MMRN1: variants seen among roughly 807,000 people sequenced by gnomAD.
MMRN1 encodes multimerin-1.
MMRN1 carries 94 observed loss-of-function variants against 100.7 expected under a neutral mutation model. The observed-to-expected ratio is 0.93, with a 90% CI of 0.79 to 1.11. MMRN1 has a LOEUF of 1.11. Ranked by LOEUF, MMRN1 falls within the 50% of genes least tolerant of loss-of-function variation. The pLI is 0.00. For synonymous variants in MMRN1, 575 were observed against 505.0 expected (o/e 1.14, Z -1.86); for missense variants, 1,606 against 1,439.1 (o/e 1.12, Z -1.88).
At chr4:89,918,762 A>G (rs1210806879) in intron 3 of MMRN1, among the ~76,000 whole-genome samples, 2 of 151,874 alleles carry the variant, frequency 1.3e-5, no homozygotes, top group Non-Finnish European at 2.9e-5. Context: ...TTACTTTTTC[A>G]CTATTATTGC....
intron 6 of MMRN1, among the ~76,000 whole-genome samples, chr4:89,941,913 G>A (rs915824438): frequency 6.6e-6 from 1 of 152,154 alleles, no homozygotes; most frequent in African/African-American, 2.4e-5. Flanking sequence ...CTCTCTGGGA[G>A]AAGAACAGAC....
Position 89,933,258 on chromosome 4 carries a change from C to T in MMRN1, c.1130-1552C>T, listed in dbSNP as rs148939778. On this transcript the variant is annotated intron_variant, in intron 5 of 7. Transcript: ENST00000264790. ...ATATGTTCCTCATCTCCATCTGAGA[C>T]CATCTCAGCCTGGACTTTTTGGTCA... Among the ~76,000 whole-genome samples, 565 of 152,266 alleles carry T rather than the reference C, an allele frequency of 3.7e-3. 1 individual carries two copies. Among genetic ancestry groups the T allele is most frequent in the Middle Eastern group, 0.014 (4 of 294 alleles).
At chr4:89,944,897 G>T (rs1722940380) in intron 6 of MMRN1, among the ~76,000 whole-genome samples, 1 of 152,146 alleles carries the variant, frequency 6.6e-6, no homozygotes, top group African/African-American at 2.4e-5. Context: ...ATGTACTAAT[G>T]TTGATAGATA....
At chr4:89,903,911 A>AC (rs1464586957) in intron 1 of MMRN1, among the ~76,000 whole-genome samples, 2 of 151,042 alleles carry the variant, frequency 1.3e-5, no homozygotes, top group Non-Finnish European at 3.0e-5. Flanking sequence ...AAAAAAAAAA[A>AC]AACTCTAGGC....
At chr4:89,904,906 AT>A (rs1427570301) in intron 1 of MMRN1, among the ~76,000 whole-genome samples, 1 of 151,684 alleles carries the variant, frequency 6.6e-6, no homozygotes, top group Non-Finnish European at 1.5e-5. Context: ...TTTTTCCCTG[AT>A]TATTGACACC....
chr4:89,953,202 T>C lies in MMRN1; in HGVS notation c.3471T>C (p.His1157=). Residue 1157 remains histidine (H), a synonymous_variant, in exon 8 of 8, where the codon CAT becomes CAC. Coordinates refer to ENST00000264790, the MANE Select transcript of MMRN1 (RefSeq NM_007351.3). The part of the protein sequence containing the change: ...FKYTIESFSA[H]ISGFLVVDGI... ...ACACCATCGAGTCATTTAGTGCTCA[T>C]ATTTCTGGATTTTTAGTGGTTGATG... is the stretch of plus-strand genomic sequence containing the variant. 1 of 1,613,900 alleles carries C rather than the reference T, an allele frequency of 6.2e-7. No homozygotes were observed. Among genetic ancestry groups the C allele is most frequent in the African/African-American group, 1.3e-5 (1 of 75,040 alleles).
At chr4:89,934,024 C>CT (rs1342790204) in intron 5 of MMRN1, among the ~76,000 whole-genome samples, 1 of 151,708 alleles carries the variant, frequency 6.6e-6, no homozygotes, top group African/African-American at 2.4e-5. Context: ...TTTCCTGTTC[C>CT]TTTTTTTCAT....
upstream of MMRN1, among the ~76,000 whole-genome samples, chr4:89,892,877 C>T (rs1049605951): frequency 2.6e-5 from 4 of 151,864 alleles, no homozygotes. Context: ...TAGAAGAAAA[C>T]AAAAAATCAG....
At chr4:89,916,985 T>A (rs142488249) in intron 3 of MMRN1, among the ~76,000 whole-genome samples, 1 of 151,838 alleles carries the variant, frequency 6.6e-6, no homozygotes, top group East Asian at 1.9e-4. Context: ...ACATTCAGGA[T>A]CTTTCCTAGA....
intron 1 of MMRN1, among the ~76,000 whole-genome samples, chr4:89,906,087 A>G (rs1205699522): frequency 1.3e-5 from 2 of 151,520 alleles, no homozygotes; most frequent in Non-Finnish European, 1.5e-5. Flanking sequence ...GTTCAGGATA[A>G]GAATTGGTAT....
chr4:89,900,824 A>T (rs1721361156), intron 1 of MMRN1, among the ~76,000 whole-genome samples: 1 of 152,106 alleles, frequency 6.6e-6, no homozygotes. Flanking sequence ...ATACTGAAAG[A>T]AAGAAGGACC....
intron 1 of MMRN1, among the ~76,000 whole-genome samples, chr4:89,885,150 CCTT>C (rs1352460233): frequency 1.4e-5 from 2 of 140,638 alleles, no homozygotes; most frequent in Non-Finnish European, 3.1e-5. Flanking sequence ...TCCCTTCCTT[CCTT>C]CTTTTTTCCT....
rs777579611 is a variant in MMRN1, at chr4:89,935,635, T to C, written c.1955T>C (p.Leu652Ser). The C allele has an allele frequency of 6.8e-6, 11 of 1,613,380 alleles. No homozygotes were observed. The African/African-American group carries it at 9.3e-5, about 14-fold the overall frequency. Residue 652 changes from leucine to serine, a missense_variant, in exon 6 of 8, where the codon TTG becomes TCG. Transcript: ENST00000264790. ...LTYDMEILQP[L>S]LEQGASLRQT... ...TATGATATGGAGATCCTTCAACCCTTGCTTGAGCAGGGAGCATCACTCAGA... is the reference window on the plus strand; with the variant it reads ...TATGATATGGAGATCCTTCAACCCTCGCTTGAGCAGGGAGCATCACTCAGA...
chr4:89,905,499 A>G (rs1222773542), intron 1 of MMRN1, among the ~76,000 whole-genome samples: 2 of 151,654 alleles, frequency 1.3e-5, no homozygotes, highest in Admixed American at 6.6e-5. Context: ...TACAAGGTAA[A>G]GAAATGGACA....
upstream of MMRN1, among the ~76,000 whole-genome samples, chr4:89,891,319 C>T (rs781752536): frequency 3.2e-4 from 49 of 151,908 alleles, no homozygotes; most frequent in Admixed American, 6.6e-4. Context: ...GAGCCCTCTT[C>T]AACCCATTTG....
In MMRN1 at chr4:89,936,088, C is replaced by T. The variant is rs780009310; in HGVS notation, c.2408C>T (p.Ala803Val). 12 of 1,612,130 alleles carry T rather than the reference C, an allele frequency of 7.4e-6. No individual in the cohort carries two copies. The highest frequency in any genetic ancestry group is 1.1e-5 in the South Asian group (1 of 90,694). Residue 803 changes from alanine (A) to valine (V), a missense_variant, in exon 6 of 8, where the codon GCC becomes GTC. Coordinates refer to ENST00000264790, the MANE Select transcript of MMRN1 (RefSeq NM_007351.3). ...NQRYNFVLQV[A>V]KTLAGIPRDE... ...AGATATAACTTTGTTTTGCAAGTCG[C>T]CAAGACCCTTGCAGGTATTCCCAGA...
At chr4:89,951,508 TC>T in intron 6 of MMRN1, 96 bp from the exon 7 acceptor site, 1 of 1,279,816 alleles carries the variant, frequency 7.8e-7, no homozygotes, top group African/African-American at 1.6e-5. Context: ...TACTTAAAAT[TC>T]AGTCTTTTTC....
At chr4:89,916,699 C>G (rs1207377779) in intron 3 of MMRN1, among the ~76,000 whole-genome samples, 1 of 151,310 alleles carries the variant, frequency 6.6e-6, no homozygotes, top group Non-Finnish European at 1.5e-5. Flanking sequence ...TTTCTGACAG[C>G]TTTTCAATTT....
intron 1 of MMRN1, among the ~76,000 whole-genome samples, chr4:89,906,433 A>G (rs1054162121): frequency 6.6e-6 from 1 of 151,554 alleles, no homozygotes; most frequent in Non-Finnish European, 1.5e-5. Context: ...CACAAAAGCA[A>G]CAGAGTTATT....
Sources: allele counts gnomAD v4.1 joint callset (sites outside exome capture counted in the v4.1 genomes callset), GRCh38; gene constraint gnomAD v4.1.1; transcripts MANE v1.5; gene names NCBI Gene and HGNC (gene_info 2026-07-23, HGNC 2026-07-21).